The following XYLT1 variants were observed in gnomAD, a reference collection of about 807,000 sequenced individuals.
XYLT1 encodes the protein xylosyltransferase 1, also known as beta-D-xylosyltransferase 1.
Under a neutral mutation model 91.3 loss-of-function variants are expected in XYLT1, and 36 were observed. The observed-to-expected ratio is 0.39, with a 90% confidence interval of 0.30 to 0.52. The LOEUF is 0.52. Ranked by LOEUF, XYLT1 falls within the 20% of genes least tolerant of loss-of-function variation. The pLI is 0.68. For missense variants in XYLT1, 1,242 were observed against 1,284.5 expected (o/e 0.97, Z 0.51); for synonymous variants, 588 against 532.0 (o/e 1.11, Z -1.45).
chr16:17,173,407 C>T (rs2141559549), intron 5 of XYLT1, among the ~76,000 whole-genome samples: 1 of 152,390 alleles, frequency 6.6e-6, no homozygotes, highest in South Asian at 2.1e-4. Context: ...CATCCACGTA[C>T]ATCCTGGATT....
At chr16:17,466,564 T>C (rs2036899962) in intron 1 of XYLT1, among the ~76,000 whole-genome samples, 2 of 152,248 alleles carry the variant, frequency 1.3e-5, no homozygotes, top group South Asian at 2.1e-4. Context: ...ACTTACGCCA[T>C]GGCTGGCTTC....
intron 1 of XYLT1, among the ~76,000 whole-genome samples, chr16:17,429,175 C>T (rs1423969192): frequency 1.3e-5 from 2 of 152,210 alleles, no homozygotes; most frequent in Non-Finnish European, 2.9e-5. Flanking sequence ...CAAACGCCAT[C>T]CTTAACTGGA....
chr16:17,217,420 G>A (rs2032881133), intron 3 of XYLT1, among the ~76,000 whole-genome samples: 2 of 152,148 alleles, frequency 1.3e-5, no homozygotes, highest in Non-Finnish European at 2.9e-5. Flanking sequence ...GTTAACAAAC[G>A]TTCAGTGAAC....
At chr16:17,380,627 A>G (rs529204726) in intron 1 of XYLT1, among the ~76,000 whole-genome samples, 1 of 152,362 alleles carries the variant, frequency 6.6e-6, no homozygotes, top group South Asian at 2.1e-4. Flanking sequence ...CAAATGCTAT[A>G]TAATCAGCAA....
intron 3 of XYLT1, among the ~76,000 whole-genome samples, chr16:17,231,369 G>C (rs545007525): frequency 2.6e-5 from 4 of 152,152 alleles, no homozygotes; most frequent in Admixed American, 1.3e-4. Flanking sequence ...ACAGGCAGTG[G>C]GGGGCAGTGG....
chr16:17,143,632 CCT>C (rs1345188905), intron 6 of XYLT1, among the ~76,000 whole-genome samples: 6 of 152,224 alleles, frequency 3.9e-5, no homozygotes, highest in Non-Finnish European at 8.8e-5. Flanking sequence ...TTCAGTGTTC[CCT>C]GAGTGAACTT....
chr16:17,242,979 G>T (rs1212434496), intron 3 of XYLT1, among the ~76,000 whole-genome samples: 1 of 152,220 alleles, frequency 6.6e-6, no homozygotes, highest in African/African-American at 2.4e-5. Flanking sequence ...GTATTCCACT[G>T]TATGTGTAGA....
intron 6 of XYLT1, among the ~76,000 whole-genome samples, chr16:17,141,950 C>T (rs2030990523): frequency 6.6e-6 from 1 of 152,164 alleles, no homozygotes; most frequent in Non-Finnish European, 1.5e-5. Flanking sequence ...GTTGCCTAGG[C>T]TGGAGAGCAC....
chr16:17,142,431 A>ATTTTTTT (rs71137975), intron 6 of XYLT1, among the ~76,000 whole-genome samples: 1 of 122,746 alleles, frequency 8.1e-6, no homozygotes. Flanking sequence ...AAATCCTGTA[A>ATTTTTTT]TTTTTTTTTT....
rs367558537 is a variant in XYLT1 at position 17,256,680 on chromosome 16, GAAGAGTTCTCTT to G, written c.913+2296_913+2307del. Among the ~76,000 whole-genome samples, 107 of 151,190 alleles carry G rather than the reference GAAGAGTTCTCTT, an allele frequency of 7.1e-4. No individual in the cohort carries two copies. In the East Asian group the frequency reaches 9.7e-3, roughly 14 times the overall value. On this transcript the variant is annotated intron_variant, in intron 3 of 11. Transcript: ENST00000261381. Reference sequence around the variant, plus strand: ...AAAAACAAAAAAAAGAGTAGCGAATGAAGAGTTCTCTTAAGAGGTCTTTTTAGTCTACTTTTC... The same window carrying G: ...AAAAACAAAAAAAAGAGTAGCGAATGAAGAGGTCTTTTTAGTCTACTTTTC...
intron 2 of XYLT1, among the ~76,000 whole-genome samples, chr16:17,339,973 A>T (rs922832605): frequency 1.3e-5 from 2 of 151,474 alleles, no homozygotes; most frequent in African/African-American, 2.4e-5. Flanking sequence ...TCCATGATGC[A>T]TCCATCACCC....
rs564966413 is a variant in XYLT1, at chr16:17,418,745, G to A, written c.363+51689C>T. On this transcript the variant is annotated intron_variant, in intron 1 of 11. Transcript: ENST00000261381. ...TGCCTGTAGTCCCAGCTAGTTGGGA[G>A]TCTGAGGTGGGAGGCTCGCTTGAGA... Among the ~76,000 whole-genome samples the A allele has an allele frequency of 1.2e-4, 18 of 152,160 alleles. 1 individual carries two copies. The South Asian group carries it at 3.7e-3, about 32-fold the overall frequency.
intron 6 of XYLT1, among the ~76,000 whole-genome samples, chr16:17,142,541 C>A (rs1273297580): frequency 6.8e-6 from 1 of 146,738 alleles, no homozygotes. Flanking sequence ...TCAAGTGATT[C>A]TCCTGCCTCA....
intron 5 of XYLT1, among the ~76,000 whole-genome samples, chr16:17,169,685 G>T: frequency 6.6e-6 from 1 of 151,732 alleles, no homozygotes; most frequent in East Asian, 1.9e-4. Context: ...GGGAGGGTGG[G>T]GATCGTGTGT....
intron 1 of XYLT1, among the ~76,000 whole-genome samples, chr16:17,459,868 T>C (rs548936282): frequency 1.3e-5 from 2 of 152,116 alleles, no homozygotes; most frequent in Non-Finnish European, 2.9e-5. Flanking sequence ...TTCCAGTGGA[T>C]TTCACTCATT....
chr16:17,346,051 T>C (rs771878525), intron 2 of XYLT1, among the ~76,000 whole-genome samples: 2 of 152,182 alleles, frequency 1.3e-5, no homozygotes, highest in Non-Finnish European at 2.9e-5. Flanking sequence ...CCCCAGGTGA[T>C]CCACCTGCCT....
chr16:17,193,754 T>G (rs191283096), intron 5 of XYLT1: 18 of 152,354 alleles, frequency 1.2e-4, no homozygotes, highest in Non-Finnish European at 1.9e-4. Context: ...GGGCGGCAGA[T>G]GGAAACTGAA....
At chr16:17,110,682 A>T (rs1271582380) in intron 11 of XYLT1, among the ~76,000 whole-genome samples, 1 of 152,182 alleles carries the variant, frequency 6.6e-6, no homozygotes, top group Non-Finnish European at 1.5e-5. Flanking sequence ...ACACACCTAA[A>T]AAACTAGGGG....
At chr16:17,169,698 G>C (rs1035255957) in intron 5 of XYLT1, among the ~76,000 whole-genome samples, 7 of 152,080 alleles carry the variant, frequency 4.6e-5, no homozygotes, top group Admixed American at 3.9e-4. Context: ...TCGTGTGTGT[G>C]CACATATGTA....
Sources: gnomAD v4.1 joint callset for allele counts (sites outside exome capture counted in the v4.1 genomes callset) on GRCh38, gnomAD v4.1.1 for gene constraint, MANE v1.5 for transcripts, NCBI Gene and HGNC (gene_info 2026-07-23, HGNC 2026-07-21) for gene names.